The following OPA1 variants were observed in gnomAD, a reference collection of about 807,000 sequenced individuals.
OPA1 encodes the protein dynamin-like GTPase OPA1, mitochondrial.
OPA1 carries 59 observed loss-of-function variants against 152.9 expected under a neutral mutation model. That is an observed-to-expected ratio of 0.39 (90% CI 0.31 to 0.48). The LOEUF (loss-of-function observed/expected upper bound fraction) is 0.48. Ranked by LOEUF, OPA1 falls within the 20% of genes least tolerant of loss-of-function variation. OPA1 has a pLI of 0.96. For missense variants in OPA1, 1,008 were observed against 1,216.8 expected, an observed-to-expected ratio of 0.83 and a Z score of 2.55; for synonymous variants, 400 against 389.9, an observed-to-expected ratio of 1.03 and a Z score of -0.31.
At chr3:193,651,805 T>C (rs1223598504) in intron 21 of OPA1, among the ~76,000 whole-genome samples, 1 of 152,096 alleles carries the variant, frequency 6.6e-6, no homozygotes, top group Admixed American at 6.6e-5. Context: ...AATAAAACCA[T>C]AAATAGTGGT....
intron 29 of OPA1, among the ~76,000 whole-genome samples, chr3:193,673,983 G>A (rs571083927): frequency 2.0e-5 from 3 of 152,168 alleles, no homozygotes; most frequent in African/African-American, 4.8e-5. Context: ...CTCCCTACGC[G>A]AGGTGGCAAC....
intron 8 of OPA1, among the ~76,000 whole-genome samples, chr3:193,634,390 G>A (rs1008543868): frequency 6.6e-6 from 1 of 151,522 alleles, no homozygotes; most frequent in African/African-American, 2.4e-5. Context: ...TAGTTGCTTG[G>A]CTACACATTT....
intron 29 of OPA1, chr3:193,668,807 T>C: frequency 8.6e-7 from 1 of 1,161,606 alleles, no homozygotes; most frequent in Admixed American, 3.9e-5. Flanking sequence ...TATTTGGTTG[T>C]TTCTTGTAGG....
chr3:193,603,017 G>T (rs1364614487), intron 1 of OPA1, among the ~76,000 whole-genome samples: 1 of 152,152 alleles, frequency 6.6e-6, no homozygotes, highest in African/African-American at 2.4e-5. Flanking sequence ...TCCATCAGGT[G>T]GTGGAAATAT....
chr3:193,601,486 G>C (rs1284600641), intron 1 of OPA1, among the ~76,000 whole-genome samples: 1 of 152,194 alleles, frequency 6.6e-6, no homozygotes, highest in Non-Finnish European at 1.5e-5. Flanking sequence ...GGGCCACCTA[G>C]TTGTATTTGA....
intron 11 of OPA1, 83 bp from the exon 12 acceptor site, chr3:193,642,682 C>A: frequency 2.0e-6 from 2 of 1,015,978 alleles, no homozygotes; most frequent in Non-Finnish European, 3.1e-6. Context: ...AATGCAGTAG[C>A]CCTGTCTAGA....
chr3:193,594,667 C>A (rs1332657125), intron 1 of OPA1, among the ~76,000 whole-genome samples: 1 of 152,158 alleles, frequency 6.6e-6, no homozygotes, highest in African/African-American at 2.4e-5. Flanking sequence ...GGATTACAAC[C>A]GTGAGCCACC....
chr3:193,683,214 A>C (rs1720434097), intron 29 of OPA1, among the ~76,000 whole-genome samples: 1 of 152,074 alleles, frequency 6.6e-6, no homozygotes. Flanking sequence ...AATATGATAA[A>C]ACTTGAACAG....
intron 6 of OPA1, among the ~76,000 whole-genome samples, chr3:193,625,124 G>C (rs1265833992): frequency 3.3e-5 from 5 of 151,674 alleles, no homozygotes; most frequent in Non-Finnish European, 4.4e-5. Flanking sequence ...CGTTTTTTGA[G>C]GTCGATTATC....
At chr3:193,615,124 A>G (rs1728818195) in intron 2 of OPA1, 83 bp downstream of exon 2, 1 of 1,042,318 alleles carries the variant, frequency 9.6e-7, no homozygotes, top group Non-Finnish European at 1.5e-6. Context: ...GTGTAGTGGA[A>G]TACAATTGGA....
In OPA1 at chr3:193,694,592, G is replaced by A. The variant is rs1252022588; in HGVS notation, c.*6-14G>A. The stretch of plus-strand genomic sequence containing the variant: ...CCCCTGACCTCAGTTTGTTAAATGG[G>A]TTTATTTTTACAGAATCGTACTCAT... On this transcript the variant is annotated splice_polypyrimidine_tract_variant and intron_variant, in intron 30 of 30. Coordinates refer to ENST00000361510, the MANE Select transcript of OPA1 (RefSeq NM_130837.3). 2.0e-5 allele frequency: 3 copies of A among 152,120 alleles called. No homozygotes were observed. The highest frequency in any genetic ancestry group is 4.8e-5 in the African/African-American group (2 of 41,422). 9.4% of individuals were successfully genotyped at this position (152,120 alleles called of 1,614,324 possible).
At chr3:193,620,422 T>A (rs1729846643) in intron 6 of OPA1, among the ~76,000 whole-genome samples, 1 of 152,224 alleles carries the variant, frequency 6.6e-6, no homozygotes, top group South Asian at 2.1e-4. Flanking sequence ...AGAAGCCAGA[T>A]AATTATTTTT....
intron 11 of OPA1, among the ~76,000 whole-genome samples, chr3:193,642,471 A>G (rs1437639312): frequency 6.6e-6 from 1 of 152,254 alleles, no homozygotes; most frequent in African/African-American, 2.4e-5. Flanking sequence ...TGTGTATAGC[A>G]TTGACTGGGG....
intron 29 of OPA1, among the ~76,000 whole-genome samples, chr3:193,669,898 T>C (rs1362851596): frequency 1.3e-5 from 2 of 152,220 alleles, no homozygotes; most frequent in Non-Finnish European, 2.9e-5. Context: ...GAGAAAGCAG[T>C]CATATAACTC....
intron 9 of OPA1, among the ~76,000 whole-genome samples, chr3:193,636,716 A>G (rs1733004020): frequency 6.6e-6 from 1 of 152,094 alleles, no homozygotes. Flanking sequence ...AACCACCCTT[A>G]CTGGTTTAAC....
chr3:193,596,375 C>CTTTTT (rs1560301653), intron 1 of OPA1, among the ~76,000 whole-genome samples: 1 of 74,152 alleles, frequency 1.3e-5, no homozygotes, highest in Non-Finnish European at 2.5e-5. Flanking sequence ...ATTTTCTTTT[C>CTTTTT]TTTTCTTTTC....
chr3:193,679,829 A>C (rs1719842337), intron 29 of OPA1, among the ~76,000 whole-genome samples: 1 of 152,190 alleles, frequency 6.6e-6, no homozygotes, highest in Non-Finnish European at 1.5e-5. Flanking sequence ...TGCCAGTTGA[A>C]TTTTGTGATT....
At chr3:193,633,977 A>G (rs1732518307) in intron 8 of OPA1, among the ~76,000 whole-genome samples, 1 of 152,088 alleles carries the variant, frequency 6.6e-6, no homozygotes. Flanking sequence ...TAGGTGTTCA[A>G]TTATGTATGC....
intron 23 of OPA1, among the ~76,000 whole-genome samples, chr3:193,658,504 T>A (rs1714466149): frequency 6.6e-6 from 1 of 152,186 alleles, no homozygotes; most frequent in African/African-American, 2.4e-5. Flanking sequence ...AAGGCTAACA[T>A]GTAGGTCACA....
Sources: allele counts gnomAD v4.1 joint callset (sites outside exome capture counted in the v4.1 genomes callset), GRCh38; gene constraint gnomAD v4.1.1; transcripts MANE v1.5; gene names NCBI Gene and HGNC (gene_info 2026-07-23, HGNC 2026-07-21).